The following RSU1 variants were observed in gnomAD, a reference collection of about 807,000 sequenced individuals.
RSU1 encodes rsu-1.
RSU1 carries 26 observed loss-of-function variants against 31.1 expected under a neutral mutation model. The observed-to-expected ratio is 0.84, with a 90% CI of 0.61 to 1.16. The LOEUF is 1.16. RSU1 is among the 50% of genes most tolerant of loss of function. The pLI is 0.00. For missense variants in RSU1, 320 were observed against 339.1 expected, an observed-to-expected ratio of 0.94 and a Z score of 0.44; for synonymous variants, 164 against 136.3, an observed-to-expected ratio of 1.20 and a Z score of -1.41.
Position 16,667,029 on chromosome 10 carries a change from AAAC to A in RSU1, c.731+27991_731+27993del, listed in dbSNP as rs56748832. ...AAACCAAACCAAAACAAAGCAAAACAAACAACAACAACAACAACAACAACAAAA... is the reference window on the plus strand; with the variant it reads ...AAACCAAACCAAAACAAAGCAAAACAAACAACAACAACAACAACAACAAAA... On this transcript the variant is annotated intron_variant, in intron 8 of 8. Transcript: ENST00000345264. Among the ~76,000 whole-genome samples the A allele has an allele frequency of 5.6e-4, 84 of 151,010 alleles. 1 individual carries two copies. Among genetic ancestry groups the A allele is most frequent in the Middle Eastern group, 3.4e-3 (1 of 292 alleles).
chr10:16,646,057 TATATACACAC>T lies in RSU1; in HGVS notation c.731+48956_731+48965del, dbSNP rs1834563310. ...GTGTATATACATATATGTGTATATATATATACACACACACACACACACACACACACACATA... is the reference window on the plus strand; with the variant it reads ...GTGTATATACATATATGTGTATATATACACACACACACACACACACACATA... On this transcript the variant is annotated intron_variant, in intron 8 of 8. Transcript: ENST00000345264. 6.3e-4 allele frequency among the ~76,000 whole-genome samples: 19 copies of T among 29,942 alleles called. 5 individuals carry two copies. In the South Asian group the frequency reaches 0.012, roughly 19 times the overall value. The allele number at this position is 29,942 out of a possible 152,430, so 19.6% of individuals were successfully genotyped here.
chr10:16,787,409 C>A (rs749016875), intron 2 of RSU1, among the ~76,000 whole-genome samples: 7 of 152,158 alleles, frequency 4.6e-5, no homozygotes, highest in Non-Finnish European at 5.9e-5. Context: ...TCTGCCTGGG[C>A]CCCGACTTGC....
At chr10:16,653,297 G>T (rs1213341741) in intron 8 of RSU1, among the ~76,000 whole-genome samples, 1 of 152,166 alleles carries the variant, frequency 6.6e-6, no homozygotes. Flanking sequence ...ACAGTTCAGT[G>T]ACATCCCTAA....
chr10:16,736,598 T>C (rs770954873), intron 7 of RSU1, among the ~76,000 whole-genome samples: 3 of 152,026 alleles, frequency 2.0e-5, no homozygotes, highest in Non-Finnish European at 4.4e-5. Flanking sequence ...AAAAATGTAC[T>C]ATTCTTAATG....
chr10:16,648,503 G>C (rs544694475), intron 8 of RSU1, among the ~76,000 whole-genome samples: 5 of 152,282 alleles, frequency 3.3e-5, no homozygotes, highest in Non-Finnish European at 5.9e-5. Flanking sequence ...ATTTGAGAGA[G>C]AGGAGGAGAA....
intron 7 of RSU1, among the ~76,000 whole-genome samples, chr10:16,721,188 G>C (rs1836254371): frequency 6.6e-6 from 1 of 152,154 alleles, no homozygotes; most frequent in Admixed American, 6.5e-5. Context: ...ACAGGCTCTT[G>C]ACCCAGTGTA....
intron 7 of RSU1, among the ~76,000 whole-genome samples, chr10:16,697,272 A>G (rs1403387570): frequency 6.6e-6 from 1 of 152,190 alleles, no homozygotes; most frequent in Non-Finnish European, 1.5e-5. Flanking sequence ...CTATGCTTAC[A>G]TCTTGTCATC....
intron 8 of RSU1, among the ~76,000 whole-genome samples, chr10:16,600,567 T>TG (rs1491231268): frequency 1.7e-3 from 190 of 114,028 alleles, no homozygotes; most frequent in African/African-American, 1.0e-2. Context: ...TTTTTTTTTT[T>TG]AGGGGGGGGT....
intron 7 of RSU1, among the ~76,000 whole-genome samples, chr10:16,707,378 C>CT (rs1835928740): frequency 6.6e-6 from 1 of 152,140 alleles, no homozygotes; most frequent in African/African-American, 2.4e-5. Context: ...TCTCCACATC[C>CT]TTGCCAACCC....
chr10:16,713,884 G>A (rs1254956277), intron 7 of RSU1, among the ~76,000 whole-genome samples: 1 of 152,044 alleles, frequency 6.6e-6, no homozygotes, highest in African/African-American at 2.4e-5. Context: ...ATTTGAGTGT[G>A]GTGAGTTAGC....
chr10:16,781,534 C>T (rs1564355319), intron 3 of RSU1, among the ~76,000 whole-genome samples: 1 of 152,232 alleles, frequency 6.6e-6, no homozygotes, highest in East Asian at 1.9e-4. Context: ...CTTGTTCTAA[C>T]AATTTCAAGT....
intron 7 of RSU1, among the ~76,000 whole-genome samples, chr10:16,699,004 T>C (rs906914325): frequency 6.6e-6 from 1 of 152,062 alleles, no homozygotes; most frequent in African/African-American, 2.4e-5. Context: ...TAGAAAAGAA[T>C]GATTAGGGTT....
chr10:16,782,826 C>T (rs745634036), intron 2 of RSU1, among the ~76,000 whole-genome samples: 4 of 151,864 alleles, frequency 2.6e-5, no homozygotes, highest in Non-Finnish European at 4.4e-5. Context: ...CTCCCCTCTA[C>T]TCTGGGGTCT....
chr10:16,767,940 G>A lies in RSU1; in HGVS notation c.161-3430C>T, dbSNP rs192986466. The stretch of plus-strand genomic sequence containing the variant: ...TGACTAAATCCTATACATACGTGGC[G>A]GGAACAATTTTAGGTATTCCAAAAA... On this transcript the variant is annotated intron_variant, in intron 3 of 8. Coordinates refer to ENST00000345264, the MANE Select transcript of RSU1 (RefSeq NM_012425.4). Among the ~76,000 whole-genome samples, 25 of 152,164 alleles carry A rather than the reference G, an allele frequency of 1.6e-4. No homozygotes were observed. In the East Asian group the frequency reaches 2.7e-3, roughly 16 times the overall value.
At chr10:16,792,637 C>T (rs571512224) in intron 2 of RSU1, among the ~76,000 whole-genome samples, 136 of 152,334 alleles carry the variant, frequency 8.9e-4, no homozygotes, top group Admixed American at 2.5e-3. Context: ...CTGCAGGCTG[C>T]ACTATTCCAA....
chr10:16,795,041 T>C (rs996975080), intron 2 of RSU1, among the ~76,000 whole-genome samples: 7 of 152,240 alleles, frequency 4.6e-5, no homozygotes, highest in Non-Finnish European at 1.0e-4. Flanking sequence ...ACTTTACATA[T>C]GTGTTCACTA....
intron 8 of RSU1, among the ~76,000 whole-genome samples, chr10:16,604,838 G>A (rs1165583363): frequency 6.6e-6 from 1 of 152,112 alleles, no homozygotes; most frequent in East Asian, 1.9e-4. Context: ...ACAAGCACGG[G>A]GCCAACAAGA....
chr10:16,599,995 G>C (rs1227417804), intron 8 of RSU1, among the ~76,000 whole-genome samples: 2 of 152,198 alleles, frequency 1.3e-5, no homozygotes, highest in Non-Finnish European at 2.9e-5. Flanking sequence ...TGGAACCCTA[G>C]AGCATCTCTC....
At position 16,740,796 on chromosome 10, in the gene RSU1, A is replaced by C. The variant is rs1465476323; in HGVS notation, c.598+11743T>G. On this transcript the variant is annotated intron_variant, in intron 7 of 8. Transcript: ENST00000345264. ...CTCTGAAATCTACAAAACATTACTGAAAGAAATCGAAGATCTAAATAAATG... is the reference window on the plus strand; with the variant it reads ...CTCTGAAATCTACAAAACATTACTGCAAGAAATCGAAGATCTAAATAAATG... 2.0e-5 allele frequency among the ~76,000 whole-genome samples: 3 copies of C among 152,334 alleles called. No individual in the cohort carries two copies. In the East Asian group the frequency reaches 5.8e-4, roughly 29 times the overall value.
Sources: gnomAD v4.1 joint callset for allele counts (sites outside exome capture counted in the v4.1 genomes callset) on GRCh38, gnomAD v4.1.1 for gene constraint, MANE v1.5 for transcripts, NCBI Gene and HGNC (gene_info 2026-07-23, HGNC 2026-07-21) for gene names.